Variants in ARHGEF10 observed in about 807,000 individuals in gnomAD.
ARHGEF10 encodes Rho guanine nucleotide exchange factor (GEF) 10.
In ARHGEF10, 140 loss-of-function variants were observed where a neutral mutation model predicts 147.4. The ratio of observed to expected loss-of-function variants is 0.95; its 90% CI spans 0.83 to 1.09. The LOEUF (loss-of-function observed/expected upper bound fraction) is 1.09, where lower values mean the gene tolerates loss of function less well. Ranked by LOEUF, ARHGEF10 falls within the 50% of genes least tolerant of loss-of-function variation. The pLI, the probability that ARHGEF10 is intolerant of heterozygous loss-of-function variation, is 0.00. For missense variants in ARHGEF10, 2,222 were observed against 1,752.7 expected (o/e 1.27, Z -4.78); for synonymous variants, 902 against 695.8 (o/e 1.30, Z -4.67).
chr8:1,929,575 A>T (rs1455504490), intron 25 of ARHGEF10, 132 bp downstream of exon 25: 33 of 1,106,438 alleles, frequency 3.0e-5, no homozygotes, highest in Non-Finnish European at 4.1e-5. Context: ...TGCGCTCGTC[A>T]CCCTTGCCCA....
chr8:1,933,653 C>T, intron 25 of ARHGEF10, 147 bp from the exon 26 acceptor site: 1 of 1,075,636 alleles, frequency 9.3e-7, no homozygotes. Flanking sequence ...GCTTGTCGAT[C>T]CCCAGACACA....
At chr8:1,903,991 G>A (rs1810688109) in intron 16 of ARHGEF10, 2 of 162,300 alleles carry the variant, frequency 1.2e-5, no homozygotes, top group Admixed American at 5.8e-5. Flanking sequence ...GAGCTACGTG[G>A]GAGGCTGAGG....
At chr8:1,926,337 T>C in intron 22 of ARHGEF10, 40 bp from the exon 23 acceptor site, 4 of 1,545,852 alleles carry the variant, frequency 2.6e-6, no homozygotes, top group Non-Finnish European at 3.6e-6. Context: ...GCCTCTTAGC[T>C]CTGTTTTATA....
chr8:1,945,431 A>C (rs1814486406), intron 26 of ARHGEF10, 50 bp from the exon 27 acceptor site: 3 of 1,552,844 alleles, frequency 1.9e-6, no homozygotes, highest in Non-Finnish European at 2.6e-6. Flanking sequence ...AACAGGCCCC[A>C]CTCAGACTCA....
intron 7 of ARHGEF10, among the ~76,000 whole-genome samples, chr8:1,873,147 G>A (rs1807275970): frequency 6.6e-6 from 1 of 152,146 alleles, no homozygotes; most frequent in Admixed American, 6.5e-5. Flanking sequence ...CATCCATAGC[G>A]GTGGTGGGGC....
At chr8:1,931,205 A>G (rs1332520077) in intron 25 of ARHGEF10, among the ~76,000 whole-genome samples, 1 of 151,852 alleles carries the variant, frequency 6.6e-6, no homozygotes, top group Non-Finnish European at 1.5e-5. Context: ...TGTTCCTACC[A>G]CTCTGCACTC....
chr8:1,944,433 C>T (rs1814391859), intron 26 of ARHGEF10, among the ~76,000 whole-genome samples: 2 of 152,214 alleles, frequency 1.3e-5, no homozygotes, highest in Middle Eastern at 3.2e-3. Context: ...CCACTGAAGT[C>T]GCATCCCTGA....
chr8:1,901,446 T>A (rs190802090), intron 15 of ARHGEF10, among the ~76,000 whole-genome samples: 33 of 152,350 alleles, frequency 2.2e-4, no homozygotes, highest in Admixed American at 8.5e-4. Context: ...TCACCCTGGC[T>A]ATGCTGGTAC....
At chr8:1,872,987 G>C (rs1448697584) in intron 7 of ARHGEF10, among the ~76,000 whole-genome samples, 1 of 152,172 alleles carries the variant, frequency 6.6e-6, no homozygotes, top group African/African-American at 2.4e-5. Flanking sequence ...TAATTTATCC[G>C]GTCGCTTCGG....
intron 26 of ARHGEF10, among the ~76,000 whole-genome samples, chr8:1,945,193 C>G (rs1814465418): frequency 6.6e-6 from 1 of 152,224 alleles, no homozygotes; most frequent in South Asian, 2.1e-4. Flanking sequence ...CGCCAGCCTG[C>G]CCATGTCTCC....
chr8:1,867,790 T>C (rs1241496327), intron 6 of ARHGEF10, among the ~76,000 whole-genome samples: 1 of 152,210 alleles, frequency 6.6e-6, no homozygotes, highest in East Asian at 1.9e-4. Flanking sequence ...TGTTACTGTT[T>C]CATATGATCA....
chr8:1,848,585 A>G (rs562654996), intron 2 of ARHGEF10, among the ~76,000 whole-genome samples: 1 of 152,356 alleles, frequency 6.6e-6, no homozygotes, highest in Non-Finnish European at 1.5e-5. Context: ...AATGTAGGGA[A>G]GCTACATTTC....
chr8:1,855,682 GC>G (rs1340766509), intron 2 of ARHGEF10, among the ~76,000 whole-genome samples: 1 of 151,864 alleles, frequency 6.6e-6, no homozygotes, highest in African/African-American at 2.4e-5. Context: ...GAGCCCCTGC[GC>G]CCAGCAATAC....
intron 26 of ARHGEF10, among the ~76,000 whole-genome samples, chr8:1,942,498 C>A (rs1482911306): frequency 3.9e-5 from 6 of 151,916 alleles, no homozygotes; most frequent in African/African-American, 1.5e-4. Context: ...GAGACTCTTG[C>A]TGGTGGGAAT....
In ARHGEF10 at chr8:1,929,268, T is replaced by C; in HGVS notation, c.2922-18T>C. The C allele has an allele frequency of 6.2e-7, 1 of 1,613,142 alleles. No individual in the cohort carries two copies. Among genetic ancestry groups the C allele is most frequent in the Non-Finnish European group, 8.5e-7 (1 of 1,179,152 alleles). ...CAACGAGCAAATATATTTATTAGCTTGTATTTTTCTCTTAAAGCATTTCCA... is the reference window on the plus strand; with the variant it reads ...CAACGAGCAAATATATTTATTAGCTCGTATTTTTCTCTTAAAGCATTTCCA... On this transcript the variant is annotated intron_variant, in intron 24 of 28. Transcript: ENST00000349830.
chr8:1,837,265 C>T (rs549806206), intron 1 of ARHGEF10, among the ~76,000 whole-genome samples: 4 of 145,858 alleles, frequency 2.7e-5, no homozygotes, highest in South Asian at 4.4e-4. Context: ...GCAGGACGGT[C>T]GGGGGCATGC....
At chr8:1,836,412 A>G (rs974781324) in intron 1 of ARHGEF10, among the ~76,000 whole-genome samples, 2 of 152,100 alleles carry the variant, frequency 1.3e-5, no homozygotes, top group African/African-American at 4.8e-5. Context: ...GCCCCAGCCC[A>G]GCCCCACCAT....
At chr8:1,860,243 C>A in intron 4 of ARHGEF10, 59 bp downstream of exon 4, 1 of 1,520,690 alleles carries the variant, frequency 6.6e-7, no homozygotes, top group Non-Finnish European at 9.0e-7. Flanking sequence ...CCTCTCCACG[C>A]CCCCGAAGTG....
At chr8:1,929,078 G>GT (rs35234927) in intron 24 of ARHGEF10, among the ~76,000 whole-genome samples, 23,164 of 152,120 alleles carry the variant, frequency 0.15, 1,810 homozygotes, top group East Asian at 0.21. Flanking sequence ...GAAGAACTAA[G>GT]TTTTTTCATA....
Sources: gnomAD v4.1 joint callset for allele counts (sites outside exome capture counted in the v4.1 genomes callset) on GRCh38, gnomAD v4.1.1 for gene constraint, MANE v1.5 for transcripts, NCBI Gene and HGNC (gene_info 2026-07-23, HGNC 2026-07-21) for gene names.